Variants in ACIN1 observed in about 807,000 individuals in gnomAD.
ACIN1 encodes the protein apoptotic chromatin condensation inducer in the nucleus.
In ACIN1, 16 loss-of-function variants were observed where a neutral mutation model predicts 146.6. The observed-to-expected ratio is 0.11, with a 90% CI of 0.07 to 0.17. The LOEUF (loss-of-function observed/expected upper bound fraction) is 0.17. Ranked by LOEUF, ACIN1 falls within the 10% of genes least tolerant of loss-of-function variation. ACIN1 has a pLI of 1.00. For missense variants in ACIN1, 1,357 were observed against 1,609.3 expected, an observed-to-expected ratio of 0.84 and a Z score of 2.68; for synonymous variants, 569 against 582.7, an observed-to-expected ratio of 0.98 and a Z score of 0.34.
In ACIN1 at chr14:23,069,487, C is replaced by T. The variant is rs2047560935; in HGVS notation, c.2254G>A (p.Glu752Lys). The change falls in exon 9 of 19, where the codon GAG (glutamate) becomes AAG (lysine). Residue 752 changes from glutamate (E) to lysine (K), a missense_variant. Transcript: ENST00000605057. ...GCTTGGATGTTTACCTCTTTCTTCT[C>T]CTCATCTTCAACACTGCCCTCCGGG... ...DRPEGSVEDE[E>K]KKESSLPKSF... 1 of 1,613,846 alleles carries T rather than the reference C, an allele frequency of 6.2e-7. No homozygotes were observed. The highest frequency in any genetic ancestry group is 1.1e-5 in the South Asian group (1 of 91,046).
rs567758558 is a variant in ACIN1 at position 23,062,710 on chromosome 14, T to A, written c.2884-187A>T. On this transcript the variant is annotated intron_variant, in intron 14 of 18. Coordinates refer to ENST00000605057, the MANE Select transcript of ACIN1 (RefSeq NM_001386863.1). ...TCCCAGCACTAATTGAGACGTTGTA[T>A]GTGAGGCCTTCTGCAAGTCCTCAAA... is the stretch of plus-strand genomic sequence containing the variant. The A allele has an allele frequency of 2.6e-5, 19 of 737,842 alleles. No individual in the cohort carries two copies. The African/African-American group carries it at 3.2e-4, about 12-fold the overall frequency. 45.7% of individuals were successfully genotyped at this position (737,842 alleles called of 1,614,324 possible).
At chr14:23,064,599 AAAG>A (rs2047391311) in intron 10 of ACIN1, 111 bp from the exon 11 acceptor site, 12 of 1,446,074 alleles carry the variant, frequency 8.3e-6, no homozygotes, top group Non-Finnish European at 1.1e-5. Context: ...AGGTTAACTT[AAAG>A]AAATCATATT....
rs570012198 is a variant in ACIN1, at chr14:23,068,113, G to C, written c.2265+1363C>G. ...CTGATGAGCAAGTGGTGACACATGG[G>C]CTGGGCTGTCATCAGCATTAAATCC... On this transcript the variant is annotated intron_variant, in intron 9 of 18. Coordinates refer to ENST00000605057, the MANE Select transcript of ACIN1 (RefSeq NM_001386863.1). This position sits in a 1 kb window ranked among gnomAD's most constrained non-coding sequence, Gnocchi z 4.3. 1 of 985,908 alleles carries C rather than the reference G, an allele frequency of 1.0e-6. No homozygotes were observed. The highest frequency in any genetic ancestry group is 1.2e-6 in the Non-Finnish European group (1 of 829,998). The allele number at this position is 985,908 out of a possible 1,614,324, so 61.1% of individuals were successfully genotyped here.
At position 23,080,437 on chromosome 14, in the gene ACIN1, C is replaced by T. The variant is rs779046570; in HGVS notation, c.898G>A (p.Glu300Lys). ...GGAGATGTTGTTTTCATTTCCTTCTCCTGCTGCTGTCTGGCCAGATGACTT... is the reference window on the plus strand; with the variant it reads ...GGAGATGTTGTTTTCATTTCCTTCTTCTGCTGCTGTCTGGCCAGATGACTT... ...RKSHLARQQQ[E>K]KEMKTTSPLE... Residue 300 changes from glutamate (E) to lysine (K), a missense_variant, in exon 6 of 19, where the codon GAG becomes AAG. By Grantham distance (56) the Glu-to-Lys change is moderately conservative. This residue lies in a region of ACIN1 where 771 missense variants were observed against 746.6 expected (regional missense o/e 1.03). Transcript: ENST00000605057. 6.2e-7 allele frequency: 1 copy of T among 1,614,120 alleles called. No individual in the cohort carries two copies. The highest frequency in any genetic ancestry group is 1.7e-5 in the Admixed American group (1 of 60,014).
At chr14:23,064,995 T>C (rs2140024580) in intron 10 of ACIN1, among the ~76,000 whole-genome samples, 1 of 152,252 alleles carries the variant, frequency 6.6e-6, no homozygotes, top group African/African-American at 2.4e-5. Flanking sequence ...GGTAGCTAGT[T>C]TGATGAGCCG....
At chr14:23,063,314 G>A in intron 13 of ACIN1, 122 bp downstream of exon 13, 1 of 1,327,650 alleles carries the variant, frequency 7.5e-7, no homozygotes, top group Non-Finnish European at 1.0e-6. Flanking sequence ...GTAGGAGAAA[G>A]ATATGATATA....
chr14:23,095,242 T>C, upstream of ACIN1: 1 of 1,608,664 alleles, frequency 6.2e-7, no homozygotes, highest in Non-Finnish European at 8.5e-7. Context: ...CACTCAGAAC[T>C]CCCCGGGTTC....
chr14:23,071,134 C>T, intron 8 of ACIN1: 1 of 1,551,638 alleles, frequency 6.4e-7, no homozygotes, highest in East Asian at 2.4e-5. Flanking sequence ...CCCTTCTTTG[C>T]TTTCTGATAA....
intron 17 of ACIN1, 49 bp from the exon 18 acceptor site, chr14:23,061,233 C>T: frequency 1.2e-6 from 2 of 1,613,438 alleles, no homozygotes; most frequent in Non-Finnish European, 1.7e-6. Context: ...ACCCTCTGTC[C>T]CATCCCATCT....
upstream of ACIN1, chr14:23,095,527 C>T: frequency 1.9e-6 from 1 of 529,456 alleles, no homozygotes; most frequent in Non-Finnish European, 3.3e-6. Flanking sequence ...GCTGGCCCAG[C>T]TTAGGGTTTT....
chr14:23,095,263 C>T, upstream of ACIN1: 3 of 1,601,670 alleles, frequency 1.9e-6, no homozygotes, highest in Non-Finnish European at 2.6e-6. Context: ...CTCCGGATGT[C>T]CTCGGATGTT....
chr14:23,095,453 A>G (rs1030311385), upstream of ACIN1: 35 of 1,001,378 alleles, frequency 3.5e-5, no homozygotes, highest in Middle Eastern at 5.1e-4. Context: ...GGACCTAGAG[A>G]TGAGGCGCTG....
intron 4 of ACIN1, among the ~76,000 whole-genome samples, chr14:23,084,917 A>G (rs567503708): frequency 4.3e-4 from 65 of 152,334 alleles, no homozygotes; most frequent in Middle Eastern, 6.8e-3. Flanking sequence ...AAGTTATAAA[A>G]TAAGTAAAAC....
upstream of ACIN1, chr14:23,095,485 G>C: frequency 1.4e-6 from 1 of 737,712 alleles, no homozygotes; most frequent in Non-Finnish European, 2.1e-6. Context: ...TGTTTGGGGC[G>C]GGTCCGAGGC....
chr14:23,093,439 T>G, intron 2 of ACIN1, 40 bp downstream of exon 2: 1 of 1,577,922 alleles, frequency 6.3e-7, no homozygotes, highest in Non-Finnish European at 8.7e-7. Context: ...TGTCTGGATA[T>G]CCAAAGGGCC....
rs760432041 is a variant in ACIN1 at position 23,080,373 on chromosome 14, C to T, written c.962G>A (p.Gly321Asp). The change falls in exon 6 of 19, where the codon GGC (glycine) becomes GAC (aspartate). Residue 321 changes from glycine to aspartate, a missense_variant. Transcript: ENST00000605057. ...EEEREIKSSQ[G>D]LKEKSKSPSP... ...AGGAGACTTCGATTTTTCCTTTAAG[C>T]CTTGTGAAGATTTTATTTCTCTTTC... 6.2e-7 allele frequency: 1 copy of T among 1,614,164 alleles called. No individual in the cohort carries two copies. Among genetic ancestry groups the T allele is most frequent in the South Asian group, 1.1e-5 (1 of 91,080 alleles).
chr14:23,087,300 A>G (rs2048112848), intron 4 of ACIN1, among the ~76,000 whole-genome samples: 1 of 152,244 alleles, frequency 6.6e-6, no homozygotes, highest in South Asian at 2.1e-4. Flanking sequence ...AATTTTGTAC[A>G]ACATCTATAA....
intron 18 of ACIN1, among the ~76,000 whole-genome samples, chr14:23,060,653 G>A (rs540144888): frequency 9.9e-5 from 15 of 152,116 alleles, no homozygotes; most frequent in African/African-American, 2.7e-4. Flanking sequence ...CTGGGATTAC[G>A]GGCGCTTGCC....
At chr14:23,090,339 T>A (rs1265959031) in intron 3 of ACIN1, among the ~76,000 whole-genome samples, 183 bp downstream of exon 3, 4 of 152,222 alleles carry the variant, frequency 2.6e-5, no homozygotes, top group Non-Finnish European at 5.9e-5. Context: ...ACAGTCAAAT[T>A]AAGTGTCCTC....
Sources: gnomAD v4.1 joint callset for allele counts (sites outside exome capture counted in the v4.1 genomes callset) on GRCh38, gnomAD v4.1.1 for gene constraint, gnomAD v4.1.1 regional missense constraint, Gnocchi (gnomAD v3.1) non-coding constraint, MANE v1.5 for transcripts, NCBI Gene and HGNC (gene_info 2026-07-23, HGNC 2026-07-21) for gene names.